Variants in ATP10B observed in about 807,000 individuals in gnomAD.
ATP10B encodes ATPase phospholipid transporting 10B (putative).
A neutral mutation model predicts 141.2 loss-of-function variants in ATP10B; 122 were observed. The ratio of observed to expected loss-of-function variants is 0.86; its 90% CI spans 0.75 to 1.00. The LOEUF (loss-of-function observed/expected upper bound fraction) is 1.00, where lower values mean the gene tolerates loss of function less well. Ranked by LOEUF, ATP10B falls within the 50% of genes least tolerant of loss-of-function variation. The probability of loss-of-function intolerance (pLI) is 0.00; values close to 1 mark genes in which losing one functional copy is unlikely to be tolerated. For synonymous variants in ATP10B, 685 were observed against 692.0 expected (o/e 0.99, Z 0.16); for missense variants, 1,876 against 1,825.3 (o/e 1.03, Z -0.51).
chr5:160,928,342 CCAA>C, the ATP10B span, among the ~76,000 whole-genome samples: 10 of 152,164 alleles, frequency 6.6e-5, no homozygotes, highest in Non-Finnish European at 1.5e-4. Flanking sequence ...TGAGAGGAAA[CCAA>C]GCTTTGAATT....
At chr5:160,653,789 TTATA>T (rs1761210467) in intron 7 of ATP10B, among the ~76,000 whole-genome samples, 1 of 117,488 alleles carries the variant, frequency 8.5e-6, no homozygotes, top group Non-Finnish European at 1.6e-5. Context: ...TACATATATA[TTATA>T]TAGACGTATA....
chr5:160,598,960 T>C lies in ATP10B; in HGVS notation c.3374A>G (p.Asn1125Ser). The change falls in exon 22 of 26, where the codon AAC becomes AGC. Residue 1125 changes from asparagine (N) to serine (S), a missense_variant. Coordinates refer to ENST00000327245, the MANE Select transcript of ATP10B (RefSeq NM_025153.3). ...GAAGAACTGATACCAGAAGAGCAGG[T>C]TGACGTAGCACTGCAGGCAGAGAGC... ...YYLYKNVCYV[N>S]LLFWYQFFCG... 1 of 1,614,040 alleles carries C rather than the reference T, an allele frequency of 6.2e-7. No homozygotes were observed. Among genetic ancestry groups the C allele is most frequent in the Non-Finnish European group, 8.5e-7 (1 of 1,179,984 alleles).
At chr5:160,734,138 G>T (rs1478370509) in intron 2 of ATP10B, among the ~76,000 whole-genome samples, 1 of 144,930 alleles carries the variant, frequency 6.9e-6, no homozygotes, top group African/African-American at 2.5e-5. Flanking sequence ...AGGAATGAAG[G>T]CAAAATATAT....
upstream of ATP10B, among the ~76,000 whole-genome samples, chr5:160,856,661 G>T (rs1754007752): frequency 6.6e-6 from 1 of 151,736 alleles, no homozygotes; most frequent in African/African-American, 2.4e-5. Context: ...GATTTGAGTT[G>T]TATGTAGATG....
chr5:160,621,136 G>C (rs547433675), intron 14 of ATP10B, among the ~76,000 whole-genome samples, 186 bp from the exon 15 acceptor site: 26 of 152,230 alleles, frequency 1.7e-4, no homozygotes, highest in African/African-American at 6.0e-4. Context: ...TGTGAGCGTG[G>C]AGAAAGGAAG....
At chr5:160,598,584 C>T (rs1756890356) in intron 22 of ATP10B, among the ~76,000 whole-genome samples, 186 bp downstream of exon 22, 1 of 151,828 alleles carries the variant, frequency 6.6e-6, no homozygotes, top group South Asian at 2.1e-4. Flanking sequence ...GGCCCAACAC[C>T]CTCAATAGCA....
chr5:160,863,801 A>G, the ATP10B span, among the ~76,000 whole-genome samples: 1 of 152,010 alleles, frequency 6.6e-6, no homozygotes, highest in African/African-American at 2.4e-5. Flanking sequence ...AAGATCATTC[A>G]AGGCTACTAT....
rs75335895 is a variant in ATP10B at position 160,778,332 on chromosome 5, A to G, written c.-331+7227T>C. Among the ~76,000 whole-genome samples, 913 of 152,326 alleles carry G rather than the reference A, an allele frequency of 6.0e-3. 8 individuals carry two copies. Among genetic ancestry groups the G allele is most frequent in the African/African-American group, 0.018 (753 of 41,564 alleles). On this transcript the variant is annotated intron_variant, in intron 2 of 25. Transcript: ENST00000327245. ...CTCCCACAGTGGAGACCACAGCTCC[A>G]AGGATGGAAGAAAGACTGCTCCAGT...
the ATP10B span, among the ~76,000 whole-genome samples, chr5:160,905,022 A>G: frequency 2.0e-5 from 3 of 152,258 alleles, no homozygotes; most frequent in South Asian, 6.2e-4. Flanking sequence ...AAGTTTAAAC[A>G]AACTGGAAGA....
rs999648934 is a variant in ATP10B at position 160,819,294 on chromosome 5, G to GA, written c.-576+32646dup. On this transcript the variant is annotated intron_variant, in intron 1 of 25. Coordinates refer to ENST00000327245, the MANE Select transcript of ATP10B (RefSeq NM_025153.3). ...GCATGACATACTTAAATTACTTAAG[G>GA]AAAAAAAATTATCCTAGAGTAGTAT... Among the ~76,000 whole-genome samples the GA allele has an allele frequency of 1.3e-4, 20 of 151,718 alleles. 1 individual carries two copies. Among genetic ancestry groups the GA allele is most frequent in the South Asian group, 6.2e-4 (3 of 4,818 alleles).
intron 10 of ATP10B, among the ~76,000 whole-genome samples, chr5:160,637,235 T>A (rs1358836009): frequency 6.6e-6 from 1 of 150,896 alleles, no homozygotes; most frequent in African/African-American, 2.4e-5. Context: ...CACCCATTCA[T>A]CCATTCATCC....
chr5:160,763,091 A>G (rs1581484795), intron 2 of ATP10B, among the ~76,000 whole-genome samples: 1 of 152,164 alleles, frequency 6.6e-6, no homozygotes, highest in Non-Finnish European at 1.5e-5. Flanking sequence ...CTAAGAAATG[A>G]GATAGACGGC....
chr5:160,702,210 G>T (rs150365639), intron 3 of ATP10B, among the ~76,000 whole-genome samples: 45 of 152,284 alleles, frequency 3.0e-4, no homozygotes, highest in African/African-American at 9.9e-4. Context: ...ATATTTCAAA[G>T]AAACTTATTT....
chr5:160,910,411 G>C, the ATP10B span, among the ~76,000 whole-genome samples: 2 of 152,196 alleles, frequency 1.3e-5, no homozygotes, highest in Admixed American at 1.3e-4. Flanking sequence ...AGCTCCATGA[G>C]AGCAGACTCT....
At chr5:160,688,171 T>G in intron 4 of ATP10B, 77 bp from the exon 5 acceptor site, 1 of 1,449,342 alleles carries the variant, frequency 6.9e-7, no homozygotes, top group Non-Finnish European at 9.3e-7. Flanking sequence ...CCCCCATCCA[T>G]GCAGGGTAGA....
intron 24 of ATP10B, among the ~76,000 whole-genome samples, chr5:160,588,103 C>T (rs1188586546): frequency 1.3e-5 from 2 of 152,200 alleles, no homozygotes; most frequent in Non-Finnish European, 2.9e-5. Context: ...CCACCTCAGC[C>T]TCCCAAAGCA....
At chr5:160,652,247 G>A (rs1385562524) in intron 7 of ATP10B, among the ~76,000 whole-genome samples, 1 of 151,870 alleles carries the variant, frequency 6.6e-6, no homozygotes, top group Non-Finnish European at 1.5e-5. Flanking sequence ...CTTGTCCCCT[G>A]GGCTCTCTTC....
chr5:160,721,140 T>C (rs891421858), intron 2 of ATP10B, among the ~76,000 whole-genome samples: 1 of 152,206 alleles, frequency 6.6e-6, no homozygotes, highest in African/African-American at 2.4e-5. Flanking sequence ...TCTTGCTTTT[T>C]TTGAATCACA....
intron 17 of ATP10B, chr5:160,614,285 C>T (rs1480358398): frequency 6.6e-6 from 1 of 152,066 alleles, no homozygotes; most frequent in African/African-American, 2.4e-5. Flanking sequence ...AGGAAAAACA[C>T]ATTTATTTGT....
Sources: allele counts gnomAD v4.1 joint callset (sites outside exome capture counted in the v4.1 genomes callset), GRCh38; gene constraint gnomAD v4.1.1; transcripts MANE v1.5; gene names NCBI Gene and HGNC (gene_info 2026-07-23, HGNC 2026-07-21).